MYH10: variants seen among roughly 807,000 people sequenced by gnomAD.
The protein encoded by MYH10 is myosin heavy chain 10.
MYH10 carries 55 observed loss-of-function variants against 257.8 expected under a neutral mutation model. The observed-to-expected ratio is 0.21, with a 90% CI of 0.17 to 0.27. The LOEUF is 0.27. Among genes scored for constraint, MYH10 ranks in the 10% least tolerant of loss-of-function variants. The pLI is 1.00. For synonymous variants in MYH10, 854 were observed against 921.7 expected (o/e 0.93, Z 1.33); for missense variants, 1,631 against 2,500.6 (o/e 0.65, Z 7.42).
intron 7 of MYH10, among the ~76,000 whole-genome samples, chr17:8,564,015 A>T (rs1334809804): frequency 1.3e-5 from 2 of 152,218 alleles, no homozygotes; most frequent in African/African-American, 4.8e-5. Flanking sequence ...GATCCAAACA[A>T]TCATTTTGAA....
At chr17:8,478,096 T>C (rs1597584774) in intron 41 of MYH10, among the ~76,000 whole-genome samples, 1 of 152,184 alleles carries the variant, frequency 6.6e-6, no homozygotes, top group South Asian at 2.1e-4. Context: ...CACATTCTAG[T>C]GGAGGAAGCA....
intron 6 of MYH10, among the ~76,000 whole-genome samples, chr17:8,574,274 C>CACATATGTG (rs940374207): frequency 2.0e-4 from 30 of 152,178 alleles, no homozygotes; most frequent in African/African-American, 7.2e-4. Context: ...AAGAAAGAAC[C>CACATATGTG]GTCAGGGAGG....
intron 2 of MYH10, among the ~76,000 whole-genome samples, chr17:8,613,938 AAC>A (rs1401396267): frequency 4.6e-5 from 7 of 152,204 alleles, no homozygotes; most frequent in African/African-American, 1.7e-4. Flanking sequence ...GCAAGAAAAC[AAC>A]AGTCAATTTT....
At chr17:8,557,659 C>T (rs917361739) in intron 7 of MYH10, among the ~76,000 whole-genome samples, 8 of 152,184 alleles carry the variant, frequency 5.3e-5, no homozygotes, top group Admixed American at 3.9e-4. Context: ...TGCCACTAAA[C>T]CACGGAGTGT....
chr17:8,623,271 A>AT lies in MYH10; in HGVS notation c.-26dup, dbSNP rs766724936. The AT allele has an allele frequency of 1.3e-6, 2 of 1,553,130 alleles. No individual in the cohort carries two copies. The highest frequency in any genetic ancestry group is 4.5e-5 in the East Asian group (2 of 44,106). ...TTGTAAATGGAACGATCCAAAAGCA[A>AT]TTGCCTCTAAGAGAAGAGGAGGAGG... is the stretch of plus-strand genomic sequence containing the variant. On this transcript the variant is annotated 5_prime_UTR_variant, in exon 2 of 43. Transcript: ENST00000360416.
Position 8,505,030 on chromosome 17 carries a change from G to C in MYH10, c.3387-124C>G. ...CCAGCCCCACATCCCTCCTCCTGGG[G>C]CCTGAGGCTGGTGCAGATGCTCAGC... is the stretch of plus-strand genomic sequence containing the variant. On this transcript the variant is annotated intron_variant, in intron 27 of 42. Transcript: ENST00000360416. 3 of 794,214 alleles carry C rather than the reference G, an allele frequency of 3.8e-6. No individual in the cohort carries two copies. The Admixed American group carries it at 6.3e-5, about 17-fold the overall frequency. The allele number at this position is 794,214 out of a possible 1,614,324, so 49.2% of individuals were successfully genotyped here. A position where few individuals can be genotyped will look rare whatever the true frequency, so the allele number is the denominator to read the frequency against.
In MYH10 at chr17:8,476,884, GTTC is replaced by G; in HGVS notation, c.5868_5870del (p.Lys1956del). ...GCCGCATGCCTGCTCACCTCAGCCG[GTTC>G]TTCAGGGTGCTGACCTCGCGGCTCA... On this transcript the variant is annotated inframe_deletion, in exon 42 of 43. Transcript: ENST00000360416. 1 of 1,608,482 alleles carries G rather than the reference GTTC, an allele frequency of 6.2e-7. No homozygotes were observed. Among genetic ancestry groups the G allele is most frequent in the Non-Finnish European group, 8.5e-7 (1 of 1,179,130 alleles).
intron 13 of MYH10, among the ~76,000 whole-genome samples, chr17:8,543,771 C>T (rs184949812): frequency 6.6e-6 from 1 of 152,296 alleles, no homozygotes; most frequent in Non-Finnish European, 1.5e-5. Flanking sequence ...CACGCCCGGC[C>T]AAGAATGGTA....
chr17:8,476,296 A>G (rs544378412), intron 42 of MYH10, among the ~76,000 whole-genome samples: 4 of 152,366 alleles, frequency 2.6e-5, no homozygotes, highest in Admixed American at 2.6e-4. Flanking sequence ...ACTCTGTTGC[A>G]TATTCTTTGT....
intron 6 of MYH10, among the ~76,000 whole-genome samples, chr17:8,574,113 A>G (rs1331085689): frequency 6.6e-6 from 1 of 152,228 alleles, no homozygotes; most frequent in Non-Finnish European, 1.5e-5. Flanking sequence ...CAATGGCCAA[A>G]AAGTAGAAAA....
In MYH10 at chr17:8,477,028, C is replaced by G. The variant is rs1273557957; in HGVS notation, c.5727G>C (p.Arg1909=). 1 of 1,614,154 alleles carries G rather than the reference C, an allele frequency of 6.2e-7. No homozygotes were observed. The highest frequency in any genetic ancestry group is 1.3e-5 in the African/African-American group (1 of 75,076). ...CCAGCTGGCGTTTAAGCTGCTTCAT[C>G]CGAGCGTTGGCCTTCTCCATCTTGG... ...YKEQMEKANA[R]MKQLKRQLEE... The change falls in exon 42 of 43, where the codon CGG becomes CGC. Residue 1909 remains arginine, a synonymous_variant. Coordinates refer to ENST00000360416, the MANE Select transcript of MYH10 (RefSeq NM_001256012.3). The surrounding 1 kb of genome is among the most constrained non-coding windows in gnomAD (Gnocchi z 4.2).
At position 8,481,361 on chromosome 17, in the gene MYH10, T is replaced by C; in HGVS notation, c.5225A>G (p.Asp1742Gly). Residue 1742 changes from aspartate (D) to glycine (G), a missense_variant, in exon 38 of 43, where the codon GAT becomes GGT. Physicochemically the swap from Asp to Gly is moderately conservative, Grantham distance 94 (BLOSUM62 -1). Coordinates refer to ENST00000360416, the MANE Select transcript of MYH10 (RefSeq NM_001256012.3). The stretch of plus-strand genomic sequence containing the variant: ...GTTGGTGATCTCGTCCGCCAGCTCA[T>C]CTCTCTCCTGCTCGGCGTGTCGGCG... The part of the protein sequence containing the change: ...RARRHAEQER[D>G]ELADEITNSA... 6.2e-7 allele frequency: 1 copy of C among 1,614,098 alleles called. No homozygotes were observed. Among genetic ancestry groups the C allele is most frequent in the Middle Eastern group, 1.6e-4 (1 of 6,062 alleles).
intron 28 of MYH10, among the ~76,000 whole-genome samples, chr17:8,502,952 C>T (rs2080947438): frequency 6.6e-6 from 1 of 152,204 alleles, no homozygotes; most frequent in South Asian, 2.1e-4. Flanking sequence ...CAAAGAGAAG[C>T]CCAGGACTTA....
intron 28 of MYH10, among the ~76,000 whole-genome samples, chr17:8,501,623 G>A (rs145038395): frequency 3.3e-5 from 5 of 152,340 alleles, no homozygotes; most frequent in Admixed American, 3.3e-4. Context: ...AATTCTACCA[G>A]GAAATGGCTT....
chr17:8,502,151 C>T (rs2080914887), intron 28 of MYH10, among the ~76,000 whole-genome samples: 1 of 152,186 alleles, frequency 6.6e-6, no homozygotes, highest in South Asian at 2.1e-4. Flanking sequence ...CACTGATTCC[C>T]GTGTGGACAC....
Position 8,587,431 on chromosome 17 carries a change from T to C in MYH10, c.530+1650A>G, listed in dbSNP as rs566599829. ...TCTCATCTCCTCAAACCTCCTATCC[T>C]GCCACTCCTCCCCTTTCTTATTAAA... On this transcript the variant is annotated intron_variant, in intron 4 of 42. Coordinates refer to ENST00000360416, the MANE Select transcript of MYH10 (RefSeq NM_001256012.3). 4.5e-4 allele frequency among the ~76,000 whole-genome samples: 69 copies of C among 152,292 alleles called. 2 individuals carry two copies. Among genetic ancestry groups the C allele is most frequent in the Admixed American group, 4.5e-3 (69 of 15,292 alleles).
intron 17 of MYH10, among the ~76,000 whole-genome samples, chr17:8,524,277 C>T (rs901224611): frequency 6.6e-6 from 1 of 151,706 alleles, no homozygotes; most frequent in Non-Finnish European, 1.5e-5. Context: ...CCTGTCTCTA[C>T]TAAAAGTACA....
intron 14 of MYH10, 141 bp downstream of exon 14, chr17:8,541,966 G>A (rs113855557): frequency 1.2e-6 from 1 of 802,050 alleles, no homozygotes; most frequent in Non-Finnish European, 1.9e-6. Flanking sequence ...TATTTTATCA[G>A]AGTATCACCT....
At position 8,577,101 on chromosome 17, in the gene MYH10, T is replaced by C. The variant is rs1281773014; in HGVS notation, c.633+135A>G. 5.0e-6 allele frequency: 3 copies of C among 600,352 alleles called. No individual in the cohort carries two copies. The African/African-American group carries it at 5.5e-5, about 11-fold the overall frequency. The allele number at this position is 600,352 out of a possible 1,614,324, so 37.2% of individuals were successfully genotyped here. ...TGGGGTGGAAAAAAGCATTGCTGGG[T>C]AGGTGGCGGGGAGCAGGTGGAGACA... On this transcript the variant is annotated intron_variant, in intron 5 of 42. Transcript: ENST00000360416.
Sources: gnomAD v4.1 joint callset for allele counts (sites outside exome capture counted in the v4.1 genomes callset) on GRCh38, gnomAD v4.1.1 for gene constraint, Gnocchi (gnomAD v3.1) non-coding constraint, MANE v1.5 for transcripts, NCBI Gene and HGNC (gene_info 2026-07-23, HGNC 2026-07-21) for gene names.